GPHN: variants seen among roughly 807,000 people sequenced by gnomAD.
GPHN encodes the protein gephyrin.
In GPHN, 17 loss-of-function variants were observed where a neutral mutation model predicts 95.5. The observed-to-expected ratio is 0.18, with a 90% CI of 0.12 to 0.27. GPHN has a LOEUF of 0.27. Ranked by LOEUF, GPHN falls within the 10% of genes least tolerant of loss-of-function variation. The probability of loss-of-function intolerance (pLI) is 1.00; values close to 1 mark genes in which losing one functional copy is unlikely to be tolerated. For missense variants in GPHN, 660 were observed against 978.1 expected (o/e 0.67, Z 4.34); for synonymous variants, 320 against 322.5 (o/e 0.99, Z 0.08).
At chr14:67,171,898 C>T (rs558047420) in intron 21 of GPHN, among the ~76,000 whole-genome samples, 78 of 152,170 alleles carry the variant, frequency 5.1e-4, no homozygotes, top group Middle Eastern at 6.8e-3. Context: ...CCCAGCAACC[C>T]CCATCAACAC....
At chr14:67,381,741 T>C in the GPHN span, 17 of 1,273,614 alleles carry the variant, frequency 1.3e-5, no homozygotes, top group South Asian at 2.1e-4. Flanking sequence ...CTAAACCAAA[T>C]AGGATCTTTG....
the GPHN span, among the ~76,000 whole-genome samples, chr14:67,518,221 G>C: frequency 6.6e-6 from 1 of 152,190 alleles, no homozygotes; most frequent in Non-Finnish European, 1.5e-5. Context: ...CAAGAGGAGC[G>C]GTGTGGTGGT....
At chr14:67,075,950 G>A (rs778397628) in intron 11 of GPHN, among the ~76,000 whole-genome samples, 50 of 152,158 alleles carry the variant, frequency 3.3e-4, no homozygotes, top group Admixed American at 1.6e-3. Flanking sequence ...AACTTAGTTG[G>A]TAAAGTAGTG....
intron 2 of GPHN, among the ~76,000 whole-genome samples, chr14:66,740,352 A>G (rs1239944873): frequency 6.6e-6 from 1 of 152,130 alleles, no homozygotes; most frequent in African/African-American, 2.4e-5. Context: ...CCTTAAGAGT[A>G]TTACATTTAT....
intron 1 of GPHN, among the ~76,000 whole-genome samples, chr14:66,534,227 AT>A (rs1295090729): frequency 6.6e-6 from 1 of 152,172 alleles, no homozygotes; most frequent in African/African-American, 2.4e-5. Flanking sequence ...TAACACTCAG[AT>A]CAAGATGTAG....
chr14:67,029,970 C>A (rs1012728520), intron 10 of GPHN, among the ~76,000 whole-genome samples: 2 of 148,698 alleles, frequency 1.3e-5, no homozygotes, highest in Admixed American at 1.3e-4. Flanking sequence ...TGCATTTTCT[C>A]CAGCTTCTTT....
the GPHN span, among the ~76,000 whole-genome samples, chr14:67,459,766 A>G: frequency 1.2e-4 from 19 of 152,230 alleles, no homozygotes; most frequent in Non-Finnish European, 1.6e-4. Flanking sequence ...GATTGGGAAC[A>G]ACAATTATAT....
chr14:66,833,433 T>C (rs1026151224), intron 4 of GPHN, among the ~76,000 whole-genome samples: 1 of 152,118 alleles, frequency 6.6e-6, no homozygotes, highest in African/African-American at 2.4e-5. Flanking sequence ...GGAATTACAA[T>C]TCAAGACCAG....
chr14:66,877,540 C>T (rs1249508978), intron 4 of GPHN, among the ~76,000 whole-genome samples: 1 of 152,182 alleles, frequency 6.6e-6, no homozygotes, highest in East Asian at 1.9e-4. Flanking sequence ...AGCAAAGTCT[C>T]AGGATACAAA....
chr14:67,167,062 G>A (rs2082322846), intron 20 of GPHN, among the ~76,000 whole-genome samples: 1 of 152,182 alleles, frequency 6.6e-6, no homozygotes, highest in African/African-American at 2.4e-5. Flanking sequence ...TTAAATCAAA[G>A]TTTTGTATAT....
intron 13 of GPHN, among the ~76,000 whole-genome samples, chr14:67,106,041 G>A (rs1286953753): frequency 6.6e-6 from 1 of 151,786 alleles, no homozygotes; most frequent in African/African-American, 2.4e-5. Context: ...TGTCTTTTTT[G>A]CTTCCAGATA....
rs186380164 is a variant in GPHN at position 66,611,702 on chromosome 14, C to A, written c.65-69405C>A. Among the ~76,000 whole-genome samples, 274 of 152,200 alleles carry A rather than the reference C, an allele frequency of 1.8e-3. 9 individuals carry two copies. Among genetic ancestry groups the A allele is most frequent in the East Asian group, 8.7e-3 (45 of 5,186 alleles). On this transcript the variant is annotated intron_variant, in intron 1 of 22. Coordinates refer to ENST00000478722, the MANE Select transcript of GPHN (RefSeq NM_020806.5). ...GGAGAAGAATCTCTGTGTTTTAAAC[C>A]TTTTCAAAGCTATGTAACTTGATAT...
chr14:67,198,296 C>T, the GPHN span: 1 of 1,613,536 alleles, frequency 6.2e-7, no homozygotes. Flanking sequence ...TATCTCCTCC[C>T]ATGTTAGAGA....
rs547380708 is a variant in GPHN at position 66,802,108 on chromosome 14, C to G, written c.202-22366C>G. On this transcript the variant is annotated intron_variant, in intron 3 of 22. Coordinates refer to ENST00000478722, the MANE Select transcript of GPHN (RefSeq NM_020806.5). ...ATAGGTGCCATCCAGGAGCCAGGGA[C>G]TGAAGTAAAGTCCTTAGATGTCCAC... Among the ~76,000 whole-genome samples, 5 of 152,286 alleles carry G rather than the reference C, an allele frequency of 3.3e-5. No individual in the cohort carries two copies. In the East Asian group the frequency reaches 9.7e-4, roughly 29 times the overall value.
chr14:67,202,209 A>T, the GPHN span, among the ~76,000 whole-genome samples: 1 of 152,156 alleles, frequency 6.6e-6, no homozygotes, highest in African/African-American at 2.4e-5. Context: ...GGTAGGCTAA[A>T]GTGGGTGGAT....
At chr14:66,861,875 T>C (rs1030765448) in intron 4 of GPHN, among the ~76,000 whole-genome samples, 12 of 151,870 alleles carry the variant, frequency 7.9e-5, no homozygotes, top group African/African-American at 2.9e-4. Context: ...TATAAGTGCC[T>C]ACATCAAAAA....
chr14:67,105,105 C>T (rs540103755), intron 13 of GPHN, among the ~76,000 whole-genome samples: 16 of 151,992 alleles, frequency 1.1e-4, no homozygotes, highest in Admixed American at 5.9e-4. Flanking sequence ...ATTGGTTGCT[C>T]GGGAGCATAT....
chr14:67,659,649 G>GA, the GPHN span: 1 of 1,391,022 alleles, frequency 7.2e-7, no homozygotes, highest in Non-Finnish European at 9.6e-7. Flanking sequence ...CTGATAACAT[G>GA]AAATACCCCA....
chr14:66,958,025 TG>T (rs2153582966), intron 8 of GPHN, among the ~76,000 whole-genome samples: 1 of 152,342 alleles, frequency 6.6e-6, no homozygotes, highest in South Asian at 2.1e-4. Flanking sequence ...AAACACTCCT[TG>T]GTGCCCAAAA....
Sources: allele counts gnomAD v4.1 joint callset (sites outside exome capture counted in the v4.1 genomes callset), GRCh38; gene constraint gnomAD v4.1.1; transcripts MANE v1.5; gene names NCBI Gene and HGNC (gene_info 2026-07-23, HGNC 2026-07-21).